Variants in LRMDA observed in about 807,000 individuals in gnomAD.
The protein encoded by LRMDA is leucine rich melanocyte differentiation associated, also known as leucine-rich melanocyte differentiation-associated protein.
In LRMDA, 18 loss-of-function variants were observed where a neutral mutation model predicts 29.8. That is an observed-to-expected ratio of 0.60 (90% CI 0.42 to 0.90). The LOEUF is 0.90. Ranked by LOEUF, LRMDA falls within the 40% of genes least tolerant of loss-of-function variation. The pLI is 0.00. For synonymous variants in LRMDA, 125 were observed against 109.4 expected (o/e 1.14, Z -0.89); for missense variants, 273 against 273.9 (o/e 1.00, Z 0.02).
intron 2 of LRMDA, among the ~76,000 whole-genome samples, chr10:76,014,105 A>G (rs1564630397): frequency 8.4e-6 from 1 of 118,896 alleles, no homozygotes; most frequent in Non-Finnish European, 1.6e-5. Context: ...AAAAAAAAAA[A>G]GTATATATAT....
chr10:75,681,259 T>C (rs1842020150), intron 2 of LRMDA, among the ~76,000 whole-genome samples: 1 of 152,228 alleles, frequency 6.6e-6, no homozygotes, highest in African/African-American at 2.4e-5. Flanking sequence ...GAGGAGCATG[T>C]TTTGTACCAT....
At chr10:76,079,772 G>A (rs1849020834) in intron 5 of LRMDA, among the ~76,000 whole-genome samples, 2 of 152,082 alleles carry the variant, frequency 1.3e-5, no homozygotes, top group African/African-American at 4.8e-5. Context: ...TGGATTTTTT[G>A]TTCTTAAAAA....
chr10:75,557,462 C>T (rs1323666751), intron 2 of LRMDA, among the ~76,000 whole-genome samples: 2 of 152,092 alleles, frequency 1.3e-5, no homozygotes, highest in Non-Finnish European at 2.9e-5. Context: ...GGCTGTGTAA[C>T]TGCTTTGGGA....
intron 6 of LRMDA, among the ~76,000 whole-genome samples, chr10:76,511,012 G>A (rs138834928): frequency 4.9e-4 from 75 of 152,304 alleles, no homozygotes; most frequent in African/African-American, 1.6e-3. Context: ...TGGGAAGTCT[G>A]TAACCTTATC....
intron 5 of LRMDA, chr10:76,318,366 C>A (rs1840726607): frequency 6.6e-6 from 1 of 152,186 alleles, no homozygotes; most frequent in Admixed American, 6.5e-5. Context: ...AGAACTGGGC[C>A]CCCTGTAGAT....
intron 2 of LRMDA, among the ~76,000 whole-genome samples, chr10:75,860,957 T>G (rs1392633802): frequency 6.6e-6 from 1 of 152,190 alleles, no homozygotes; most frequent in Non-Finnish European, 1.5e-5. Context: ...TATTGACCTC[T>G]CAGGATGGTT....
Position 76,405,428 on chromosome 10 carries a change from G to C in LRMDA, c.601+80943G>C, listed in dbSNP as rs79090226. The stretch of plus-strand genomic sequence containing the variant: ...AGGTGTGTTTCAACACAGTTCAGAT[G>C]AGGGACAGGGGAGCTGGGGAGAAGC... On this transcript the variant is annotated intron_variant, in intron 6 of 6. Coordinates refer to ENST00000611255, the MANE Select transcript of LRMDA (RefSeq NM_001305581.2). 5.0e-3 allele frequency among the ~76,000 whole-genome samples: 764 copies of C among 152,330 alleles called. 6 individuals are homozygous for C. Among genetic ancestry groups the C allele is most frequent in the African/African-American group, 0.017 (710 of 41,586 alleles).
chr10:76,041,235 A>G (rs1296502853), intron 3 of LRMDA, among the ~76,000 whole-genome samples: 2 of 152,258 alleles, frequency 1.3e-5, no homozygotes, highest in African/African-American at 4.8e-5. Context: ...TCTGAGGTAC[A>G]GCACATAGCC....
At chr10:75,675,020 A>C (rs1841943163) in intron 2 of LRMDA, among the ~76,000 whole-genome samples, 1 of 152,240 alleles carries the variant, frequency 6.6e-6, no homozygotes, top group South Asian at 2.1e-4. Flanking sequence ...TGAAGAATAA[A>C]TCAATGTTGG....
At chr10:76,393,820 T>C (rs949145863) in intron 6 of LRMDA, among the ~76,000 whole-genome samples, 1 of 152,184 alleles carries the variant, frequency 6.6e-6, no homozygotes, top group African/African-American at 2.4e-5. Flanking sequence ...TTTAATCCAC[T>C]TTGAGTTGAT....
intron 2 of LRMDA, among the ~76,000 whole-genome samples, chr10:75,897,099 G>A (rs1293986087): frequency 6.6e-6 from 1 of 152,150 alleles, no homozygotes; most frequent in Non-Finnish European, 1.5e-5. Context: ...AACATTAGCA[G>A]ACACCCAGCC....
At chr10:75,720,997 C>T (rs756500373) in intron 2 of LRMDA, among the ~76,000 whole-genome samples, 2 of 152,164 alleles carry the variant, frequency 1.3e-5, no homozygotes, top group African/African-American at 2.4e-5. Context: ...TTAACTATGC[C>T]GTGCCATCTT....
intron 2 of LRMDA, among the ~76,000 whole-genome samples, chr10:75,804,993 C>A (rs781027453): frequency 5.3e-5 from 8 of 152,156 alleles, no homozygotes; most frequent in Admixed American, 1.3e-4. Context: ...AAGCAAACAA[C>A]CCTGGTGTGA....
chr10:75,668,040 T>G (rs1841844837), intron 2 of LRMDA, among the ~76,000 whole-genome samples: 1 of 152,228 alleles, frequency 6.6e-6, no homozygotes, highest in Admixed American at 6.5e-5. Flanking sequence ...TACACAAAAT[T>G]TCTGGGGCCT....
intron 5 of LRMDA, among the ~76,000 whole-genome samples, chr10:76,293,804 C>G (rs1840379397): frequency 6.6e-6 from 1 of 152,220 alleles, no homozygotes; most frequent in Non-Finnish European, 1.5e-5. Context: ...ATCTATTCCT[C>G]CCATTTATCT....
intron 2 of LRMDA, among the ~76,000 whole-genome samples, chr10:75,536,470 A>G (rs749821332): frequency 1.3e-5 from 2 of 152,128 alleles, no homozygotes; most frequent in Non-Finnish European, 2.9e-5. Flanking sequence ...CTACTGAGGT[A>G]TGCTCTTCTC....
chr10:75,609,826 G>T (rs897925206), intron 2 of LRMDA, among the ~76,000 whole-genome samples: 1 of 152,142 alleles, frequency 6.6e-6, no homozygotes, highest in Non-Finnish European at 1.5e-5. Context: ...TGCCCAGAAG[G>T]TCTTCAGTAG....
At chr10:75,692,975 A>G (rs1416815149) in intron 2 of LRMDA, among the ~76,000 whole-genome samples, 1 of 152,054 alleles carries the variant, frequency 6.6e-6, no homozygotes, top group African/African-American at 2.4e-5. Context: ...AATGTGTGAG[A>G]GTGGGTGCCT....
intron 2 of LRMDA, among the ~76,000 whole-genome samples, chr10:75,513,313 C>G (rs183325210): frequency 6.6e-6 from 1 of 152,152 alleles, no homozygotes; most frequent in Non-Finnish European, 1.5e-5. Context: ...CGCTTTCTTG[C>G]GTGCGTGTTG....
Sources: allele counts gnomAD v4.1 joint callset (sites outside exome capture counted in the v4.1 genomes callset), GRCh38; gene constraint gnomAD v4.1.1; transcripts MANE v1.5; gene names NCBI Gene and HGNC (gene_info 2026-07-23, HGNC 2026-07-21).